GPC5: variants seen among roughly 807,000 people sequenced by gnomAD.
GPC5 encodes the protein glypican-5.
Under a neutral mutation model 53.9 loss-of-function variants are expected in GPC5, and 47 were observed. The ratio of observed to expected loss-of-function variants is 0.87; its 90% confidence interval spans 0.69 to 1.11. The LOEUF is 1.11. GPC5 is among the 50% of genes most tolerant of loss of function. GPC5 has a pLI of 0.00. For synonymous variants in GPC5, 286 were observed against 263.3 expected (o/e 1.09, Z -0.84); for missense variants, 748 against 713.1 (o/e 1.05, Z -0.56).
chr13:92,408,086 C>T (rs1174081706), intron 7 of GPC5, among the ~76,000 whole-genome samples: 2 of 152,170 alleles, frequency 1.3e-5, no homozygotes, highest in African/African-American at 4.8e-5. Flanking sequence ...CCAGCATTAC[C>T]ACCACCTGAG....
chr13:91,524,622 C>T (rs16946103), intron 2 of GPC5, among the ~76,000 whole-genome samples: 1,890 of 152,086 alleles, frequency 0.012, 51 homozygotes, highest in African/African-American at 0.043. Flanking sequence ...TTTAGCTTTA[C>T]GTCATCCTGG....
intron 6 of GPC5, among the ~76,000 whole-genome samples, chr13:92,138,040 TC>T (rs1289851222): frequency 6.6e-6 from 1 of 152,160 alleles, no homozygotes; most frequent in Admixed American, 6.5e-5. Flanking sequence ...TGGGAACTCT[TC>T]TACTTTCCAC....
chr13:92,513,658 C>T (rs550198844), intron 7 of GPC5, among the ~76,000 whole-genome samples: 46 of 151,596 alleles, frequency 3.0e-4, no homozygotes, highest in African/African-American at 9.9e-4. Context: ...ATTTGAAATG[C>T]TTGGGATAAG....
intron 7 of GPC5, among the ~76,000 whole-genome samples, chr13:92,738,643 C>G (rs908466158): frequency 2.0e-5 from 3 of 152,064 alleles, no homozygotes; most frequent in Admixed American, 6.6e-5. Context: ...AAGACCAACT[C>G]TTGATATAGC....
At chr13:92,296,135 G>A (rs1303791727) in intron 7 of GPC5, among the ~76,000 whole-genome samples, 2 of 152,150 alleles carry the variant, frequency 1.3e-5, no homozygotes, top group African/African-American at 4.8e-5. Context: ...AGGTCTCTCA[G>A]CCATGTATAC....
intron 7 of GPC5, among the ~76,000 whole-genome samples, chr13:92,283,308 C>T (rs544893009): frequency 2.0e-5 from 3 of 152,232 alleles, no homozygotes; most frequent in Admixed American, 2.0e-4. Context: ...CTTTAACACC[C>T]CACTGTCAAC....
At chr13:92,655,554 C>T (rs1159921658) in intron 7 of GPC5, among the ~76,000 whole-genome samples, 22 of 151,996 alleles carry the variant, frequency 1.4e-4, no homozygotes, top group Non-Finnish European at 2.8e-4. Context: ...AGGATGGTTT[C>T]GAACTCCTGA....
chr13:92,612,927 C>G (rs558241534), intron 7 of GPC5, among the ~76,000 whole-genome samples: 2 of 151,804 alleles, frequency 1.3e-5, no homozygotes, highest in East Asian at 1.9e-4. Context: ...TTTCAGGAAC[C>G]CTTTTAAACA....
At chr13:92,359,731 A>G (rs4601908) in intron 7 of GPC5, among the ~76,000 whole-genome samples, 45,527 of 151,370 alleles carry the variant, frequency 0.3, 7,477 homozygotes, top group South Asian at 0.41. Context: ...AAGAGAGGGC[A>G]GAGGTGCCAC....
chr13:92,847,420 G>T (rs1406020309), intron 7 of GPC5, among the ~76,000 whole-genome samples: 1 of 152,100 alleles, frequency 6.6e-6, no homozygotes, highest in East Asian at 1.9e-4. Context: ...CTGCTGAGAA[G>T]TGATTACATC....
intron 7 of GPC5, among the ~76,000 whole-genome samples, chr13:92,751,804 C>T (rs1025512560): frequency 2.0e-5 from 3 of 151,962 alleles, no homozygotes; most frequent in African/African-American, 7.3e-5. Context: ...TGACTTAAAA[C>T]ATTAAGTTTG....
chr13:91,422,718 T>C (rs1394639579), intron 1 of GPC5, among the ~76,000 whole-genome samples: 1 of 152,098 alleles, frequency 6.6e-6, no homozygotes, highest in Non-Finnish European at 1.5e-5. Context: ...GTGAGGGCCT[T>C]CCTGCTGGTG....
At chr13:92,816,256 A>G (rs1011416669) in intron 7 of GPC5, among the ~76,000 whole-genome samples, 1 of 152,062 alleles carries the variant, frequency 6.6e-6, no homozygotes, top group Admixed American at 6.5e-5. Context: ...TAGAAGGGCT[A>G]TTGGATAGGT....
intron 7 of GPC5, among the ~76,000 whole-genome samples, chr13:92,210,006 G>A (rs761614551): frequency 2.6e-5 from 4 of 152,040 alleles, no homozygotes; most frequent in African/African-American, 9.7e-5. Flanking sequence ...GTCTTTCCAC[G>A]TTCTTCTGCC....
intron 7 of GPC5, among the ~76,000 whole-genome samples, chr13:92,850,993 G>T (rs72642618): frequency 0.036 from 5,453 of 152,246 alleles, 122 homozygotes; most frequent in Admixed American, 0.054. Context: ...GAAGCATGGA[G>T]GCATCTAGCC....
At chr13:92,386,571 AT>A (rs1874735997) in intron 7 of GPC5, among the ~76,000 whole-genome samples, 1 of 152,026 alleles carries the variant, frequency 6.6e-6, no homozygotes, top group Admixed American at 6.6e-5. Flanking sequence ...CACAATAGTC[AT>A]TTCATAAAAG....
At chr13:92,102,810 A>T (rs554492202) in intron 6 of GPC5, among the ~76,000 whole-genome samples, 1 of 152,302 alleles carries the variant, frequency 6.6e-6, no homozygotes, top group African/African-American at 2.4e-5. Context: ...CTTGTAAAGG[A>T]TAAAGCCAAG....
chr13:92,275,147 A>T (rs1368889238), intron 7 of GPC5, among the ~76,000 whole-genome samples: 5 of 152,156 alleles, frequency 3.3e-5, no homozygotes, highest in Non-Finnish European at 1.5e-5. Flanking sequence ...AAATATTTTC[A>T]TAAAACATGG....
At chr13:91,591,493 A>G (rs886097266) in intron 2 of GPC5, among the ~76,000 whole-genome samples, 9 of 152,098 alleles carry the variant, frequency 5.9e-5, no homozygotes, top group Non-Finnish European at 1.3e-4. Context: ...CTCTCATGCA[A>G]TTAGGGGAAT....
Sources: allele counts gnomAD v4.1 joint callset (sites outside exome capture counted in the v4.1 genomes callset), GRCh38; gene constraint gnomAD v4.1.1; transcripts MANE v1.5; gene names NCBI Gene and HGNC (gene_info 2026-07-23, HGNC 2026-07-21).